The following INSL6 variants were observed in gnomAD, a reference collection of about 807,000 sequenced individuals.
The protein encoded by INSL6 is insulin-like peptide INSL6.
INSL6 carries 16 observed loss-of-function variants against 9.4 expected under a neutral mutation model. The ratio of observed to expected loss-of-function variants is 1.70; its 90% CI spans 1.15 to 2.59. The LOEUF is 2.59. INSL6 is among the 30% of genes most tolerant of loss of function. The pLI is 0.00. For synonymous variants in INSL6, 154 were observed against 96.9 expected, an observed-to-expected ratio of 1.59 and a Z score of -3.46; for missense variants, 391 against 257.3, an observed-to-expected ratio of 1.52 and a Z score of -3.56.
At chr9:5,072,515 T>C in the INSL6 span, 20 of 1,596,334 alleles carry the variant, frequency 1.3e-5, no homozygotes, top group South Asian at 1.5e-4. Flanking sequence ...GCCAAGGCAC[T>C]TTTACAAAGA....
the INSL6 span, among the ~76,000 whole-genome samples, chr9:5,004,207 A>T: frequency 1.3e-5 from 2 of 152,188 alleles, no homozygotes; most frequent in Non-Finnish European, 2.9e-5. Context: ...AATCACCATG[A>T]TGTACAATAG....
chr9:5,180,398 CA>C (rs1179465471), intron 1 of INSL6, among the ~76,000 whole-genome samples: 3 of 151,958 alleles, frequency 2.0e-5, no homozygotes, highest in Non-Finnish European at 2.9e-5. Context: ...CGGGGTTGGG[CA>C]AAAAGAGCCA....
At chr9:5,092,957 T>C in the INSL6 span, among the ~76,000 whole-genome samples, 954 of 152,292 alleles carry the variant, frequency 6.3e-3, 16 homozygotes, top group African/African-American at 0.022. Context: ...AACATCGCCA[T>C]AGTTGGCCCA....
chr9:5,121,827 C>T (rs1823637131), downstream of INSL6, among the ~76,000 whole-genome samples: 1 of 151,970 alleles, frequency 6.6e-6, no homozygotes, highest in South Asian at 2.1e-4. Flanking sequence ...CAGAAAAAAA[C>T]AGCTGTGGAA....
the INSL6 span, chr9:5,109,900 G>A: frequency 6.6e-6 from 1 of 152,146 alleles, no homozygotes; most frequent in African/African-American, 2.4e-5. Flanking sequence ...GGATGAGAAG[G>A]TATAGGAATC....
At chr9:5,118,541 G>A in the INSL6 span, among the ~76,000 whole-genome samples, 1 of 152,098 alleles carries the variant, frequency 6.6e-6, no homozygotes, top group African/African-American at 2.4e-5. Context: ...AATTTTATTG[G>A]TGAATGGAAC....
chr9:5,036,073 C>G, the INSL6 span, among the ~76,000 whole-genome samples: 19 of 152,324 alleles, frequency 1.2e-4, no homozygotes, highest in Non-Finnish European at 2.5e-4. Context: ...CACAAGCGTT[C>G]TTACCCACCA....
chr9:5,159,879 A>G, downstream of INSL6, among the ~76,000 whole-genome samples: 1 of 152,364 alleles, frequency 6.6e-6, no homozygotes, highest in East Asian at 1.9e-4. Context: ...CCTCGAGAAT[A>G]GACCACATGT....
At chr9:5,082,176 C>T in the INSL6 span, among the ~76,000 whole-genome samples, 1 of 152,156 alleles carries the variant, frequency 6.6e-6, no homozygotes, top group South Asian at 2.1e-4. Flanking sequence ...ATATGGAGGA[C>T]CCGCACCAAC....
intron 2 of INSL6, among the ~76,000 whole-genome samples, chr9:5,155,563 T>TATAC (rs966293153): frequency 2.0e-5 from 3 of 149,138 alleles, no homozygotes; most frequent in Non-Finnish European, 3.0e-5. Flanking sequence ...ATGTGGCAGA[T>TATAC]ATACACCATG....
At chr9:5,144,169 T>A (rs1824554745) in intron 2 of INSL6, among the ~76,000 whole-genome samples, 1 of 152,230 alleles carries the variant, frequency 6.6e-6, no homozygotes, top group South Asian at 2.1e-4. Context: ...TAATACTGCC[T>A]TAGCTGTGTC....
At chr9:5,087,725 C>A in the INSL6 span, among the ~76,000 whole-genome samples, 13 of 152,274 alleles carry the variant, frequency 8.5e-5, no homozygotes, top group East Asian at 2.3e-3. Flanking sequence ...CAAATGGTAA[C>A]CACTGCCAGA....
the INSL6 span, among the ~76,000 whole-genome samples, chr9:5,068,853 T>C: frequency 2.0e-5 from 3 of 152,232 alleles, no homozygotes; most frequent in Non-Finnish European, 2.9e-5. Flanking sequence ...AAATTGTAAA[T>C]TGCCCTTTTG....
chr9:5,010,037 G>A, the INSL6 span, among the ~76,000 whole-genome samples: 1 of 152,296 alleles, frequency 6.6e-6, no homozygotes, highest in Non-Finnish European at 1.5e-5. Flanking sequence ...CTTCCAAATT[G>A]CTGGGATTGG....
At chr9:5,019,426 T>C in the INSL6 span, among the ~76,000 whole-genome samples, 2 of 152,146 alleles carry the variant, frequency 1.3e-5, no homozygotes, top group Non-Finnish European at 2.9e-5. Flanking sequence ...CTCATTGATA[T>C]CCTGAGTTGT....
the INSL6 span, chr9:5,077,537 A>C: frequency 2.0e-6 from 3 of 1,492,120 alleles, no homozygotes; most frequent in Non-Finnish European, 2.7e-6. Flanking sequence ...ATATTATGGA[A>C]ACTTGAAGTT....
At chr9:5,069,343 G>A in the INSL6 span, 1 of 569,892 alleles carries the variant, frequency 1.8e-6, no homozygotes, top group African/African-American at 1.9e-5. Context: ...TTATTCTATT[G>A]TACAAGCATC....
At chr9:5,064,120 C>T in the INSL6 span, among the ~76,000 whole-genome samples, 8 of 152,296 alleles carry the variant, frequency 5.3e-5, no homozygotes, top group Non-Finnish European at 1.0e-4. Flanking sequence ...CGCGCCATTG[C>T]ACTCCAGCCT....
chr9:5,061,039 C>CT, the INSL6 span, among the ~76,000 whole-genome samples: 4 of 152,152 alleles, frequency 2.6e-5, no homozygotes, highest in Non-Finnish European at 4.4e-5. Context: ...TGAAAGCAAT[C>CT]TTTTTTTCTG....
Sources: gnomAD v4.1 joint callset for allele counts (sites outside exome capture counted in the v4.1 genomes callset) on GRCh38, gnomAD v4.1.1 for gene constraint, MANE v1.5 for transcripts, NCBI Gene and HGNC (gene_info 2026-07-23, HGNC 2026-07-21) for gene names.